Variants in PHLPP1 observed in about 807,000 individuals in gnomAD.
PHLPP1 encodes PH domain and leucine rich repeat protein phosphatase 1, also known as PH domain leucine-rich repeat-containing protein phosphatase 1.
Under a neutral mutation model 117.2 loss-of-function variants are expected in PHLPP1, and 42 were observed. The observed-to-expected ratio is 0.36, with a 90% CI of 0.28 to 0.46. PHLPP1 has a LOEUF of 0.46. Among genes scored for constraint, PHLPP1 ranks in the 20% least tolerant of loss-of-function variants. The pLI, the probability that PHLPP1 is intolerant of heterozygous loss-of-function variation, is 1.00. For synonymous variants in PHLPP1, 1,042 were observed against 970.7 expected, an observed-to-expected ratio of 1.07 and a Z score of -1.37; for missense variants, 2,084 against 2,241.9, an observed-to-expected ratio of 0.93 and a Z score of 1.42.
chr18:62,957,193 TTGTGTA>T lies in PHLPP1; in HGVS notation c.3325-1433_3325-1428del, dbSNP rs1356330088. Among the ~76,000 whole-genome samples the T allele has an allele frequency of 7.2e-5, 11 of 152,344 alleles. No homozygotes were observed. In the East Asian group the frequency reaches 2.1e-3, roughly 29 times the overall value. ...TAGAGCGCTGACCACTCCGTTTCTCTTGTGTATGCTGAGCCTTCTCCACCTAGGTTC... is the reference window on the plus strand; with the variant it reads ...TAGAGCGCTGACCACTCCGTTTCTCTTGCTGAGCCTTCTCCACCTAGGTTC... On this transcript the variant is annotated intron_variant, in intron 12 of 16. Coordinates refer to ENST00000262719, the MANE Select transcript of PHLPP1 (RefSeq NM_194449.4).
At chr18:62,953,971 A>T (rs1261925549) in intron 12 of PHLPP1, among the ~76,000 whole-genome samples, 1 of 152,228 alleles carries the variant, frequency 6.6e-6, no homozygotes, top group Non-Finnish European at 1.5e-5. Context: ...CTTTGCTATG[A>T]ACATTGATAT....
chr18:62,854,960 G>A (rs961056949), intron 3 of PHLPP1, among the ~76,000 whole-genome samples: 2 of 152,106 alleles, frequency 1.3e-5, no homozygotes, highest in Non-Finnish European at 2.9e-5. Context: ...GCCTCCCATA[G>A]TGTTGGGATT....
At chr18:62,957,661 G>T (rs138697950) in intron 12 of PHLPP1, among the ~76,000 whole-genome samples, 81 of 150,466 alleles carry the variant, frequency 5.4e-4, no homozygotes, top group African/African-American at 1.9e-3. Context: ...TTGCTCTGTC[G>T]CCCAGGCCAG....
rs995206341 is a variant in PHLPP1, at chr18:62,956,477, G to A, written c.3325-2152G>A. Among the ~76,000 whole-genome samples the A allele has an allele frequency of 2.0e-5, 3 of 152,106 alleles. No homozygotes were observed. In the South Asian group the frequency reaches 6.2e-4, roughly 32 times the overall value. On this transcript the variant is annotated intron_variant, in intron 12 of 16. Coordinates refer to ENST00000262719, the MANE Select transcript of PHLPP1 (RefSeq NM_194449.4). ...AGCATATGATGAAAATTTGTTGGGG[G>A]ACAAACATTCAGACCATAGCAGATG... is the stretch of plus-strand genomic sequence containing the variant.
At chr18:62,897,807 T>G (rs1367194417) in intron 6 of PHLPP1, among the ~76,000 whole-genome samples, 4 of 152,192 alleles carry the variant, frequency 2.6e-5, no homozygotes, top group African/African-American at 7.2e-5. Flanking sequence ...ACACCCAGCC[T>G]AATTCTGCCT....
Position 62,838,862 on chromosome 18 carries a change from T to C in PHLPP1, c.1852T>C (p.Phe618Leu). ...CCAAAGCCAGACTTACTACATTTGCTTTGATACTTTCACAGAATACTTAAG... is the reference window on the plus strand; with the variant it reads ...CCAAAGCCAGACTTACTACATTTGCCTTGATACTTTCACAGAATACTTAAG... ...GPQSQTYYIC[F>L]DTFTEYLRWL... Residue 618 changes from phenylalanine to leucine, a missense_variant, in exon 3 of 17, where the codon TTT (phenylalanine) becomes CTT (leucine). By Grantham distance (22) the Phe-to-Leu change is conservative. Around this residue, in one of 2 missense-constraint regions of PHLPP1, gnomAD observed 1,365 missense variants for 1,605.9 expected, o/e 0.85. Transcript: ENST00000262719. 6.2e-7 allele frequency: 1 copy of C among 1,613,924 alleles called. No homozygotes were observed. The highest frequency in any genetic ancestry group is 1.1e-5 in the South Asian group (1 of 91,088).
At chr18:62,826,581 A>G (rs999915840) in intron 1 of PHLPP1, among the ~76,000 whole-genome samples, 3 of 152,196 alleles carry the variant, frequency 2.0e-5, no homozygotes, top group African/African-American at 7.2e-5. Context: ...TACCTCTAGC[A>G]TCTAGCATAG....
At position 62,958,583 on chromosome 18, in the gene PHLPP1, C is replaced by G. The variant is rs2144475831; in HGVS notation, c.3325-46C>G. On this transcript the variant is annotated intron_variant, in intron 12 of 16. Coordinates refer to ENST00000262719, the MANE Select transcript of PHLPP1 (RefSeq NM_194449.4). Reference sequence around the variant, plus strand: ...TAGGAGTATAGAATTCCCTGAAGAGCTTCTCTAGACCATCTCTTTCTTGTT... The same window carrying G: ...TAGGAGTATAGAATTCCCTGAAGAGGTTCTCTAGACCATCTCTTTCTTGTT... 3 of 1,604,858 alleles carry G rather than the reference C, an allele frequency of 1.9e-6. No homozygotes were observed. The East Asian group carries it at 6.7e-5, about 36-fold the overall frequency.
chr18:62,853,516 C>T (rs1915413942), intron 3 of PHLPP1, among the ~76,000 whole-genome samples: 2 of 151,908 alleles, frequency 1.3e-5, no homozygotes, highest in South Asian at 4.2e-4. Context: ...ATTACAGGTG[C>T]CCGCCACCCC....
At position 62,980,045 on chromosome 18, in the gene PHLPP1, C is replaced by CGATGTTTTGTAGTCTTGG. The variant is rs1423545156; in HGVS notation, c.*615_*632dup. On this transcript the variant is annotated 3_prime_UTR_variant, in exon 17 of 17. Coordinates refer to ENST00000262719, the MANE Select transcript of PHLPP1 (RefSeq NM_194449.4). Reference sequence around the variant, plus strand: ...GCTCAGTGTTGTATAGTGAGGCTTACGATGTTTTGTAGTCTTGGCGTAAGG... The same window carrying CGATGTTTTGTAGTCTTGG: ...GCTCAGTGTTGTATAGTGAGGCTTACGATGTTTTGTAGTCTTGGGATGTTTTGTAGTCTTGGCGTAAGG... 6.5e-6 allele frequency: 1 copy of CGATGTTTTGTAGTCTTGG among 152,710 alleles called. No individual in the cohort carries two copies. The highest frequency in any genetic ancestry group is 2.4e-5 in the African/African-American group (1 of 41,392). 9.5% of individuals were successfully genotyped at this position (152,710 alleles called of 1,614,324 possible). A position where few individuals can be genotyped will look rare whatever the true frequency, so the allele number is the denominator to read the frequency against.
Position 62,957,251 on chromosome 18 carries a change from C to T in PHLPP1, c.3325-1378C>T, listed in dbSNP as rs186577616. On this transcript the variant is annotated intron_variant, in intron 12 of 16. Transcript: ENST00000262719. ...CTGCTCCCTGAACACAAGGGCAGCC[C>T]CTCTTTTTACAGTACACCTTATTTA... Among the ~76,000 whole-genome samples, 393 of 152,238 alleles carry T rather than the reference C, an allele frequency of 2.6e-3. 2 individuals are homozygous for T. Among genetic ancestry groups the T allele is most frequent in the Non-Finnish European group, 4.0e-3 (275 of 68,016 alleles).
chr18:62,809,167 T>C (rs896023409), intron 1 of PHLPP1, among the ~76,000 whole-genome samples: 2 of 152,150 alleles, frequency 1.3e-5, no homozygotes, highest in African/African-American at 4.8e-5. Flanking sequence ...AAAACTGTCG[T>C]TTCAAACAAA....
chr18:62,979,224 A>T lies in PHLPP1; in HGVS notation c.4947A>T (p.Gly1649=), dbSNP rs763973536. The stretch of plus-strand genomic sequence containing the variant: ...CAGACGCACCTCTTCGAAAGCCTGG[A>T]GGCTATTTTGCTGCCCCGGCTCAGC... The part of the protein sequence containing the change: ...VATDAPLRKP[G]GYFAAPAQPD... Residue 1649 remains glycine (G), a synonymous_variant, in exon 17 of 17, where the codon GGA becomes GGT. Transcript: ENST00000262719. The T allele has an allele frequency of 2.5e-6, 4 of 1,608,026 alleles. No individual in the cohort carries two copies. The South Asian group carries it at 4.4e-5, about 18-fold the overall frequency.
At position 62,715,578 on chromosome 18, in the gene PHLPP1, C is replaced by A; in HGVS notation, c.-106C>A. 1 of 627,326 alleles carries A rather than the reference C, an allele frequency of 1.6e-6. No homozygotes were observed. Among genetic ancestry groups the A allele is most frequent in the Non-Finnish European group, 2.3e-6 (1 of 433,416 alleles). The allele number at this position is 627,326 out of a possible 1,614,324, so 38.9% of individuals were successfully genotyped here. On this transcript the variant is annotated 5_prime_UTR_variant, in exon 1 of 17. Transcript: ENST00000262719. ...GAACGGCCGCGCACAACGCCATTGG[C>A]TTCTCCCTTCTCCGCGCGCCGCCGC...
intron 3 of PHLPP1, among the ~76,000 whole-genome samples, chr18:62,855,656 C>T (rs187687520): frequency 7.2e-5 from 11 of 152,274 alleles, no homozygotes; most frequent in African/African-American, 2.6e-4. Context: ...CTTGTAGCCT[C>T]GTTAATGTGG....
At chr18:62,884,019 C>A (rs537719560) in intron 4 of PHLPP1, among the ~76,000 whole-genome samples, 1 of 152,282 alleles carries the variant, frequency 6.6e-6, no homozygotes, top group East Asian at 1.9e-4. Flanking sequence ...ATGTTTCTTG[C>A]AGAATTGTAA....
Position 62,716,988 on chromosome 18 carries a change from C to T in PHLPP1, c.1305C>T (p.Cys435=). ...SPGGAVREGS[C]EEKAAAAVAP... ...GCGGGGCCGTCCGCGAGGGGTCGTGCGAGGAGAAGGCAGCGGCAGCCGTGG... is the reference window on the plus strand; with the variant it reads ...GCGGGGCCGTCCGCGAGGGGTCGTGTGAGGAGAAGGCAGCGGCAGCCGTGG... The change falls in exon 1 of 17, where the codon TGC becomes TGT. Residue 435 remains cysteine, a synonymous_variant. Coordinates refer to ENST00000262719, the MANE Select transcript of PHLPP1 (RefSeq NM_194449.4). This position sits in a 1 kb window ranked among gnomAD's most constrained non-coding sequence, Gnocchi z 5.7. 2 of 1,542,246 alleles carry T rather than the reference C, an allele frequency of 1.3e-6. No individual in the cohort carries two copies. Among genetic ancestry groups the T allele is most frequent in the South Asian group, 2.4e-5 (2 of 83,888 alleles).
At chr18:62,906,291 T>C (rs1346482171) in intron 8 of PHLPP1, 2 of 152,662 alleles carry the variant, frequency 1.3e-5, no homozygotes, top group Admixed American at 6.5e-5. Flanking sequence ...TAAATTTTTA[T>C]TGGGGGAGGA....
intron 4 of PHLPP1, among the ~76,000 whole-genome samples, chr18:62,866,337 C>T (rs948859697): frequency 6.6e-6 from 1 of 151,908 alleles, no homozygotes; most frequent in Non-Finnish European, 1.5e-5. Flanking sequence ...CTCCGCCCCC[C>T]AGGTTCAAGC....
Sources: allele counts gnomAD v4.1 joint callset (sites outside exome capture counted in the v4.1 genomes callset), GRCh38; gene constraint gnomAD v4.1.1; regional missense constraint gnomAD v4.1.1; non-coding constraint Gnocchi (gnomAD v3.1); transcripts MANE v1.5; gene names NCBI Gene and HGNC (gene_info 2026-07-23, HGNC 2026-07-21).